WDFY3: variants seen among roughly 807,000 people sequenced by gnomAD.
WDFY3 encodes WD repeat and FYVE domain containing 3, also known as WD repeat and FYVE domain-containing protein 3.
Under a neutral mutation model 409.6 loss-of-function variants are expected in WDFY3, and 66 were observed. The observed-to-expected ratio is 0.16, with a 90% CI of 0.13 to 0.20. WDFY3 has a LOEUF of 0.20. WDFY3 is among the 10% of genes least tolerant of loss of function. The pLI, the probability that WDFY3 is intolerant of heterozygous loss-of-function variation, is 1.00. For missense variants in WDFY3, 3,031 were observed against 4,298.1 expected, an observed-to-expected ratio of 0.71 and a Z score of 8.24; for synonymous variants, 1,521 against 1,537.1, an observed-to-expected ratio of 0.99 and a Z score of 0.25.
chr4:84,690,781 T>G (rs1463741287), intron 60 of WDFY3, 117 bp from the exon 61 acceptor site: 34 of 1,253,064 alleles, frequency 2.7e-5, no homozygotes, highest in Non-Finnish European at 3.5e-5. Context: ...TAGCGGCTCA[T>G]GTTCTGAGCT....
intron 5 of WDFY3, among the ~76,000 whole-genome samples, chr4:84,844,099 G>C (rs1420357742): frequency 6.6e-6 from 1 of 152,182 alleles, no homozygotes; most frequent in East Asian, 1.9e-4. Context: ...AATAAGTAAA[G>C]AATGCGGACA....
Position 84,713,299 on chromosome 4 carries a change from A to C in WDFY3, c.7962-60T>G, listed in dbSNP as rs1578217069. Reference sequence around the variant, plus strand: ...AAGTCTCAGTCAGGATCTAATGGGAAGCCTAAGAAAGGACGATTCGTTTAG... The same window carrying C: ...AAGTCTCAGTCAGGATCTAATGGGACGCCTAAGAAAGGACGATTCGTTTAG... On this transcript the variant is annotated intron_variant, in intron 50 of 67. Transcript: ENST00000295888. The C allele has an allele frequency of 2.1e-6, 3 of 1,446,508 alleles. No individual in the cohort carries two copies. In the East Asian group the frequency reaches 6.8e-5, roughly 33 times the overall value. 89.6% of individuals were successfully genotyped at this position (1,446,508 alleles called of 1,614,324 possible). A position where few individuals can be genotyped will look rare whatever the true frequency, so the allele number is the denominator to read the frequency against.
intron 51 of WDFY3, 106 bp from the exon 52 acceptor site, chr4:84,709,453 T>A: frequency 1.1e-6 from 1 of 909,714 alleles, no homozygotes; most frequent in Non-Finnish European, 1.7e-6. Flanking sequence ...TTTTTCAAAC[T>A]ATGGAGGATC....
At chr4:84,698,338 G>C (rs978979398) in intron 56 of WDFY3, among the ~76,000 whole-genome samples, 3 of 150,828 alleles carry the variant, frequency 2.0e-5, no homozygotes, top group Non-Finnish European at 2.9e-5. Flanking sequence ...AGCCTGGAGT[G>C]CAGTGGTATA....
chr4:84,891,343 T>C (rs889376924), intron 3 of WDFY3, among the ~76,000 whole-genome samples: 1 of 152,182 alleles, frequency 6.6e-6, no homozygotes, highest in African/African-American at 2.4e-5. Flanking sequence ...TAGTGCTACA[T>C]ATATATAAGC....
At chr4:84,952,566 A>G (rs1013684312) in intron 1 of WDFY3, among the ~76,000 whole-genome samples, 1 of 152,138 alleles carries the variant, frequency 6.6e-6, no homozygotes, top group Admixed American at 6.6e-5. Flanking sequence ...ATTCACCAAC[A>G]TCTTACTTTC....
At chr4:84,864,316 A>G (rs1355122150) in intron 3 of WDFY3, among the ~76,000 whole-genome samples, 1 of 144,984 alleles carries the variant, frequency 6.9e-6, no homozygotes, top group African/African-American at 2.5e-5. Flanking sequence ...CAGTGAGCTG[A>G]GATGGCGCCA....
In WDFY3 at chr4:84,803,279, T is replaced by C; in HGVS notation, c.2607+11A>G. On this transcript the variant is annotated intron_variant, in intron 16 of 67. Transcript: ENST00000295888. ...TTACAGACGGGAAGGAACTAACATA[T>C]TCAAGCTTACTTCTGGCTGTGTCAC... 6.3e-7 allele frequency: 1 copy of C among 1,596,698 alleles called. No individual in the cohort carries two copies. The highest frequency in any genetic ancestry group is 1.8e-5 in the Admixed American group (1 of 56,114).
chr4:84,932,802 C>A (rs1242525849), intron 1 of WDFY3, among the ~76,000 whole-genome samples: 1 of 152,092 alleles, frequency 6.6e-6, no homozygotes, highest in Non-Finnish European at 1.5e-5. Context: ...AAGATAAATG[C>A]GGTATAGAGC....
chr4:84,766,983 C>T (rs572696964), intron 30 of WDFY3, among the ~76,000 whole-genome samples: 1 of 152,272 alleles, frequency 6.6e-6, no homozygotes, highest in South Asian at 2.1e-4. Flanking sequence ...AGCTCTCCTC[C>T]AGCAGAGCTA....
At chr4:84,706,895 A>G (rs1037893559) in intron 53 of WDFY3, among the ~76,000 whole-genome samples, 1 of 150,662 alleles carries the variant, frequency 6.6e-6, no homozygotes, top group African/African-American at 2.4e-5. Context: ...CTCCCAAATT[A>G]TGATGGTGAT....
chr4:84,859,854 C>A (rs1371803833), intron 4 of WDFY3, among the ~76,000 whole-genome samples: 1 of 152,118 alleles, frequency 6.6e-6, no homozygotes, highest in Non-Finnish European at 1.5e-5. Flanking sequence ...GGATTACAGG[C>A]GTGAGCCACC....
chr4:84,824,723 G>A (rs1022032758), intron 10 of WDFY3, among the ~76,000 whole-genome samples: 2 of 152,058 alleles, frequency 1.3e-5, no homozygotes, highest in African/African-American at 4.8e-5. Context: ...ACACTCAATT[G>A]AGTAGATTTA....
At chr4:84,801,268 A>G (rs1345194551) in intron 17 of WDFY3, among the ~76,000 whole-genome samples, 3 of 152,220 alleles carry the variant, frequency 2.0e-5, no homozygotes, top group Non-Finnish European at 4.4e-5. Flanking sequence ...GAGCACAGGA[A>G]AACTCTTGGA....
At chr4:84,827,571 T>C (rs551673430) in intron 9 of WDFY3, among the ~76,000 whole-genome samples, 1 of 152,260 alleles carries the variant, frequency 6.6e-6, no homozygotes, top group South Asian at 2.1e-4. Flanking sequence ...TCTACAAGAT[T>C]TGGATTATAT....
intron 3 of WDFY3, among the ~76,000 whole-genome samples, chr4:84,876,557 C>T (rs985407589): frequency 7.2e-5 from 11 of 152,014 alleles, no homozygotes; most frequent in Non-Finnish European, 1.2e-4. Context: ...GTTATTCTAC[C>T]GTAATGTACA....
chr4:84,889,529 C>T (rs1764660995), intron 3 of WDFY3, among the ~76,000 whole-genome samples: 1 of 152,076 alleles, frequency 6.6e-6, no homozygotes, highest in Non-Finnish European at 1.5e-5. Flanking sequence ...CACAAAAATG[C>T]TGCATTACAG....
Position 84,747,794 on chromosome 4 carries a change from T to G in WDFY3, c.5973+3689A>C, listed in dbSNP as rs995202792. On this transcript the variant is annotated intron_variant, in intron 36 of 67. Transcript: ENST00000295888. Reference sequence around the variant, plus strand: ...ACCATGTGAAGATGGATGTGTTTGCTTCCCCTTCTGCCATGACTGTAAGTT... The same window carrying G: ...ACCATGTGAAGATGGATGTGTTTGCGTCCCCTTCTGCCATGACTGTAAGTT... Among the ~76,000 whole-genome samples the G allele has an allele frequency of 1.2e-4, 18 of 152,276 alleles. No individual in the cohort carries two copies. In the East Asian group the frequency reaches 3.5e-3, roughly 29 times the overall value.
chr4:84,672,787 G>A lies in WDFY3; in HGVS notation c.*81C>T, dbSNP rs777286546. 3 of 1,570,906 alleles carry A rather than the reference G, an allele frequency of 1.9e-6. No homozygotes were observed. Among genetic ancestry groups the A allele is most frequent in the Non-Finnish European group, 2.6e-6 (3 of 1,159,564 alleles). On this transcript the variant is annotated 3_prime_UTR_variant, in exon 68 of 68. Coordinates refer to ENST00000295888, the MANE Select transcript of WDFY3 (RefSeq NM_014991.6). ...ATGAAGAGATGTGTAAACGGAGACT[G>A]TTTTCAATGCCTTCCAAGCTGGGAC... is the stretch of plus-strand genomic sequence containing the variant.
Sources: allele counts gnomAD v4.1 joint callset (sites outside exome capture counted in the v4.1 genomes callset), GRCh38; gene constraint gnomAD v4.1.1; transcripts MANE v1.5; gene names NCBI Gene and HGNC (gene_info 2026-07-23, HGNC 2026-07-21).